Variants in HS3ST4 observed in about 807,000 individuals in gnomAD.
HS3ST4 encodes heparan sulfate-glucosamine 3-sulfotransferase 4.
HS3ST4 carries 17 observed loss-of-function variants against 29.2 expected under a neutral mutation model. The ratio of observed to expected loss-of-function variants is 0.58; its 90% CI spans 0.40 to 0.87. HS3ST4 has a LOEUF of 0.87. HS3ST4 is among the 40% of genes least tolerant of loss of function. The probability of loss-of-function intolerance (pLI) is 0.00; values close to 1 mark genes in which losing one functional copy is unlikely to be tolerated. For missense variants in HS3ST4, 627 were observed against 634.5 expected, an observed-to-expected ratio of 0.99 and a Z score of 0.13; for synonymous variants, 314 against 285.7, an observed-to-expected ratio of 1.10 and a Z score of -1.00.
intron 1 of HS3ST4, among the ~76,000 whole-genome samples, chr16:25,921,091 T>C (rs779934274): frequency 6.6e-6 from 1 of 152,248 alleles, no homozygotes; most frequent in African/African-American, 2.4e-5. Context: ...CCCACTTTAA[T>C]GTAAGCTTCA....
chr16:25,950,737 G>A lies in HS3ST4; in HGVS notation c.735-184875G>A, dbSNP rs151271386. On this transcript the variant is annotated intron_variant, in intron 1 of 1. Transcript: ENST00000331351. ...AGAGCATCGACTTTGGAGTCCCACAGACTTGCACAGCATGTTGCATTGATC... is the reference window on the plus strand; with the variant it reads ...AGAGCATCGACTTTGGAGTCCCACAAACTTGCACAGCATGTTGCATTGATC... 3.9e-3 allele frequency among the ~76,000 whole-genome samples: 594 copies of A among 152,212 alleles called. 3 individuals are homozygous for A. Among genetic ancestry groups the A allele is most frequent in the South Asian group, 0.023 (111 of 4,826 alleles).
chr16:25,947,080 G>C (rs371658386), intron 1 of HS3ST4, among the ~76,000 whole-genome samples: 1 of 152,122 alleles, frequency 6.6e-6, no homozygotes, highest in African/African-American at 2.4e-5. Flanking sequence ...TGTGTGTGTG[G>C]TGATGGGGAG....
At chr16:25,753,355 C>T (rs1003800088) in intron 1 of HS3ST4, among the ~76,000 whole-genome samples, 5 of 152,198 alleles carry the variant, frequency 3.3e-5, no homozygotes, top group African/African-American at 1.2e-4. Flanking sequence ...GGGAAGGAGT[C>T]AGATGTGTTG....
chr16:25,738,728 C>T (rs573162211), intron 1 of HS3ST4, among the ~76,000 whole-genome samples: 8 of 152,280 alleles, frequency 5.3e-5, no homozygotes, highest in Admixed American at 3.3e-4. Context: ...ATGACGTCTG[C>T]TGTAAGTGTC....
chr16:25,757,683 T>G (rs2141604694), intron 1 of HS3ST4, among the ~76,000 whole-genome samples: 3 of 152,074 alleles, frequency 2.0e-5, no homozygotes, highest in South Asian at 4.2e-4. Flanking sequence ...CCTCTTCCTT[T>G]TCATCTTGTC....
chr16:25,910,048 T>C (rs1968220250), intron 1 of HS3ST4, among the ~76,000 whole-genome samples: 1 of 152,164 alleles, frequency 6.6e-6, no homozygotes, highest in Non-Finnish European at 1.5e-5. Context: ...TGGCCAAAGA[T>C]GCCAGCTGAA....
intron 1 of HS3ST4, among the ~76,000 whole-genome samples, chr16:25,981,074 G>C (rs1411351577): frequency 6.6e-6 from 1 of 152,044 alleles, no homozygotes; most frequent in Non-Finnish European, 1.5e-5. Context: ...AGGTAGTTTA[G>C]AGGCTGGGCA....
rs181666940 is a variant in HS3ST4 at position 26,007,995 on chromosome 16, G to A, written c.735-127617G>A. Reference sequence around the variant, plus strand: ...TCTGGCATTTATTAAGCACCCACTAGGTTCTAGTATAAGGGAGCCAGAGAT... The same window carrying A: ...TCTGGCATTTATTAAGCACCCACTAAGTTCTAGTATAAGGGAGCCAGAGAT... On this transcript the variant is annotated intron_variant, in intron 1 of 1. Coordinates refer to ENST00000331351, the MANE Select transcript of HS3ST4 (RefSeq NM_006040.3). Among the ~76,000 whole-genome samples the A allele has an allele frequency of 3.9e-3, 586 of 151,982 alleles. 7 individuals are homozygous for A. The highest frequency in any genetic ancestry group is 0.013 in the African/African-American group (553 of 41,422).
At chr16:26,061,049 T>A (rs1898469008) in intron 1 of HS3ST4, among the ~76,000 whole-genome samples, 1 of 152,232 alleles carries the variant, frequency 6.6e-6, no homozygotes, top group Non-Finnish European at 1.5e-5. Context: ...AAGGGCTTGT[T>A]TATTTCTTCT....
chr16:25,803,237 T>C (rs1386154943), intron 1 of HS3ST4, among the ~76,000 whole-genome samples: 2 of 152,140 alleles, frequency 1.3e-5, no homozygotes, highest in African/African-American at 4.8e-5. Context: ...CTCTTCCTTC[T>C]CAATATTTGT....
intron 1 of HS3ST4, among the ~76,000 whole-genome samples, chr16:25,791,916 A>G (rs946164338): frequency 6.6e-6 from 1 of 151,914 alleles, no homozygotes; most frequent in Non-Finnish European, 1.5e-5. Context: ...CAGTGAGGAG[A>G]GCAGACATCT....
chr16:25,903,365 TTATA>T (rs34578455), intron 1 of HS3ST4, among the ~76,000 whole-genome samples: 3 of 130,460 alleles, frequency 2.3e-5, no homozygotes, highest in Non-Finnish European at 3.2e-5. Flanking sequence ...TATGTATATC[TTATA>T]TATATATATA....
intron 1 of HS3ST4, among the ~76,000 whole-genome samples, chr16:25,863,708 T>C (rs1448313387): frequency 6.6e-6 from 1 of 152,236 alleles, no homozygotes; most frequent in African/African-American, 2.4e-5. Context: ...TAATATTTAA[T>C]CTGGATAGTT....
intron 1 of HS3ST4, among the ~76,000 whole-genome samples, chr16:25,990,664 C>A (rs117594895): frequency 0.11 from 17,470 of 152,168 alleles, 1,149 homozygotes; most frequent in South Asian, 0.17. Context: ...TATTATTATT[C>A]CCATTTTGCA....
intron 1 of HS3ST4, among the ~76,000 whole-genome samples, chr16:25,828,300 C>CTTTCTCTCTTTCTCTCTTTCTTTCTCT (rs1567249517): frequency 1.8e-5 from 1 of 56,770 alleles, no homozygotes; most frequent in Non-Finnish European, 3.3e-5. Context: ...TTCTTTCTTT[C>CTTTCTCTCTTTCTCTCTTTCTTTCTCT]CCTCTCTCTC....
chr16:25,986,419 T>C (rs1216284103), intron 1 of HS3ST4, among the ~76,000 whole-genome samples: 2 of 152,170 alleles, frequency 1.3e-5, no homozygotes, highest in Non-Finnish European at 2.9e-5. Flanking sequence ...TTTATTTTCA[T>C]TGGAGGTTTT....
At chr16:25,873,478 CTCTCT>C (rs1567261508) in intron 1 of HS3ST4, among the ~76,000 whole-genome samples, 2 of 11,500 alleles carry the variant, frequency 1.7e-4, no homozygotes, top group South Asian at 2.4e-3. Context: ...ATCCATCTAT[CTCTCT>C]ATCTATCTAT....
At chr16:25,944,445 C>T (rs1968605957) in intron 1 of HS3ST4, among the ~76,000 whole-genome samples, 1 of 152,218 alleles carries the variant, frequency 6.6e-6, no homozygotes, top group Non-Finnish European at 1.5e-5. Flanking sequence ...TGGTTATTAC[C>T]CATGAATGCC....
At chr16:26,014,873 A>C (rs566817267) in intron 1 of HS3ST4, among the ~76,000 whole-genome samples, 1 of 152,314 alleles carries the variant, frequency 6.6e-6, no homozygotes, top group East Asian at 1.9e-4. Flanking sequence ...ATTTGAACTC[A>C]TGATTGAGAG....
Sources: allele counts gnomAD v4.1 joint callset (sites outside exome capture counted in the v4.1 genomes callset), GRCh38; gene constraint gnomAD v4.1.1; transcripts MANE v1.5; gene names NCBI Gene and HGNC (gene_info 2026-07-23, HGNC 2026-07-21).